LAMB1: variants seen among roughly 807,000 people sequenced by gnomAD.
The protein encoded by LAMB1 is laminin subunit beta-1.
In LAMB1, 121 loss-of-function variants were observed where a neutral mutation model predicts 222.3. That is an observed-to-expected ratio of 0.54 (90% CI 0.47 to 0.63). LAMB1 has a LOEUF of 0.63. LAMB1 is among the 30% of genes least tolerant of loss of function. The pLI, the probability that LAMB1 is intolerant of heterozygous loss-of-function variation, is 0.00. For synonymous variants in LAMB1, 794 were observed against 807.2 expected (o/e 0.98, Z 0.28); for missense variants, 2,172 against 2,240.8 (o/e 0.97, Z 0.62).
intron 8 of LAMB1, among the ~76,000 whole-genome samples, chr7:107,979,979 G>A (rs1188592919): frequency 6.6e-6 from 1 of 152,152 alleles, no homozygotes; most frequent in Non-Finnish European, 1.5e-5. Context: ...AGGCTGAGGT[G>A]TGTGGATCAC....
intron 21 of LAMB1, among the ~76,000 whole-genome samples, chr7:107,954,409 A>G (rs998788491): frequency 2.0e-5 from 3 of 150,958 alleles, no homozygotes; most frequent in Non-Finnish European, 2.9e-5. Context: ...GGCTCAAGCA[A>G]TCCTCCTGCC....
At chr7:107,941,201 C>T (rs562446270) in intron 24 of LAMB1, among the ~76,000 whole-genome samples, 1 of 152,236 alleles carries the variant, frequency 6.6e-6, no homozygotes, top group Non-Finnish European at 1.5e-5. Context: ...TGGCCAGTAG[C>T]TGTGGCTGAG....
At chr7:107,990,565 G>C (rs1021985699) in intron 5 of LAMB1, among the ~76,000 whole-genome samples, 4 of 152,056 alleles carry the variant, frequency 2.6e-5, no homozygotes, top group Non-Finnish European at 4.4e-5. Context: ...TTAAGTGAAA[G>C]CAAGTTTATT....
Position 107,952,063 on chromosome 7 carries a change from G to C in LAMB1, c.3240C>G (p.Gly1080=). The change falls in exon 23 of 34, where the codon GGC becomes GGG. Residue 1080 remains glycine, a synonymous_variant. Coordinates refer to ENST00000222399, the MANE Select transcript of LAMB1 (RefSeq NM_002291.3). ...CAGCATTGCAGTTGCATGGGTCACAGCCAGTGCCACTGGCCAGCTGCCAGG... is the reference window on the plus strand; with the variant it reads ...CAGCATTGCAGTTGCATGGGTCACACCCAGTGCCACTGGCCAGCTGCCAGG... ...PNTWQLASGT[G]CDPCNCNAAH... The C allele has an allele frequency of 6.2e-7, 1 of 1,614,082 alleles. No individual in the cohort carries two copies. The highest frequency in any genetic ancestry group is 8.5e-7 in the Non-Finnish European group (1 of 1,179,988).
At chr7:107,966,092 C>T (rs1215148926) in intron 13 of LAMB1, among the ~76,000 whole-genome samples, 1 of 149,578 alleles carries the variant, frequency 6.7e-6, no homozygotes, top group Non-Finnish European at 1.5e-5. Flanking sequence ...AGTGAGACTT[C>T]ATCTCAAAAT....
intron 7 of LAMB1, among the ~76,000 whole-genome samples, chr7:107,981,338 C>G (rs1270371303): frequency 6.6e-6 from 1 of 151,860 alleles, no homozygotes. Flanking sequence ...ATCCCAGCTA[C>G]TAGGGAGACT....
intron 4 of LAMB1, among the ~76,000 whole-genome samples, chr7:107,997,744 G>A (rs1285512903): frequency 1.3e-5 from 2 of 152,174 alleles, no homozygotes; most frequent in African/African-American, 4.8e-5. Context: ...TCATGTCACA[G>A]CAATAGTAAA....
At chr7:107,998,992 T>G (rs1584545447) in intron 3 of LAMB1, among the ~76,000 whole-genome samples, 1 of 152,342 alleles carries the variant, frequency 6.6e-6, no homozygotes, top group East Asian at 1.9e-4. Context: ...AGAACAAGAT[T>G]TCTTCGTTTC....
chr7:108,001,226 A>G (rs1214070946), intron 3 of LAMB1, among the ~76,000 whole-genome samples: 2 of 152,272 alleles, frequency 1.3e-5, no homozygotes, highest in African/African-American at 4.8e-5. Context: ...TAAAAAGAGG[A>G]TAAATCACCT....
intron 9 of LAMB1, among the ~76,000 whole-genome samples, 167 bp downstream of exon 9, chr7:107,977,880 T>C (rs1342401195): frequency 6.6e-6 from 1 of 152,190 alleles, no homozygotes; most frequent in African/African-American, 2.4e-5. Flanking sequence ...GAATATTAAT[T>C]AACTGAATGC....
chr7:107,956,633 G>C (rs1241657002), intron 20 of LAMB1, among the ~76,000 whole-genome samples: 2 of 152,216 alleles, frequency 1.3e-5, no homozygotes, highest in Non-Finnish European at 2.9e-5. Context: ...GCTTATACCT[G>C]TCAGCCTCTG....
chr7:107,971,900 C>T (rs10487278), intron 13 of LAMB1, among the ~76,000 whole-genome samples: 2 of 152,206 alleles, frequency 1.3e-5, no homozygotes, highest in East Asian at 3.9e-4. Context: ...CCACTTTTAT[C>T]TCATCAAGAA....
intron 20 of LAMB1, among the ~76,000 whole-genome samples, chr7:107,956,463 G>A (rs769835828): frequency 6.6e-6 from 1 of 152,124 alleles, no homozygotes; most frequent in Non-Finnish European, 1.5e-5. Flanking sequence ...CACTGCGTTC[G>A]AGTGACACCC....
At chr7:107,979,720 T>C (rs1433142233) in intron 8 of LAMB1, among the ~76,000 whole-genome samples, 4 of 152,144 alleles carry the variant, frequency 2.6e-5, no homozygotes, top group East Asian at 3.8e-4. Context: ...GAGGAAAAGA[T>C]AGAAAGAAAC....
rs2033355253 is a variant in LAMB1 at position 107,955,504 on chromosome 7, A to G, written c.2817T>C (p.Thr939=). The G allele has an allele frequency of 6.2e-7, 1 of 1,614,136 alleles. No individual in the cohort carries two copies. Among genetic ancestry groups the G allele is most frequent in the Non-Finnish European group, 8.5e-7 (1 of 1,180,006 alleles). ...FARSCYQDPV[T]LQLACVCDPG... is the part of the protein sequence containing the mutation. ...GATCACAAACACAGGCAAGCTGTAA[A>G]GTAACAGGATCTTGGTAGCAGCTCC... The change falls in exon 21 of 34, where the codon ACT becomes ACC. Residue 939 remains threonine, a synonymous_variant. Transcript: ENST00000222399.
chr7:107,941,723 C>T (rs1301224256), intron 24 of LAMB1, among the ~76,000 whole-genome samples: 1 of 149,752 alleles, frequency 6.7e-6, no homozygotes, highest in Non-Finnish European at 1.5e-5. Flanking sequence ...GGCGCGATCT[C>T]GGCTCACTGC....
At position 107,952,025 on chromosome 7, in the gene LAMB1, C is replaced by T; in HGVS notation, c.3278G>A (p.Gly1093Glu). The T allele has an allele frequency of 3.1e-6, 5 of 1,611,708 alleles. No individual in the cohort carries two copies. Among genetic ancestry groups the T allele is most frequent in the Middle Eastern group, 1.8e-4 (1 of 5,638 alleles). ...GCCCCTCACCTCATTGCAAGATGGC[C>T]CGAAGGAATGAGCAGCATTGCAGTT... ...PCNCNAAHSF[G>E]PSCNEFTGQC... The change falls in exon 23 of 34, where the codon GGG (glycine) becomes GAG (glutamate). Residue 1093 changes from glycine to glutamate, a missense_variant. Coordinates refer to ENST00000222399, the MANE Select transcript of LAMB1 (RefSeq NM_002291.3).
At chr7:107,997,301 T>TA (rs1172624998) in intron 4 of LAMB1, among the ~76,000 whole-genome samples, 1 of 152,174 alleles carries the variant, frequency 6.6e-6, no homozygotes, top group Non-Finnish European at 1.5e-5. Context: ...CATGTGCCTG[T>TA]AATCCCAGCT....
Position 107,934,121 on chromosome 7 carries a change from T to C in LAMB1, c.4188+1294A>G, listed in dbSNP as rs558162481. Among the ~76,000 whole-genome samples, 20 of 152,370 alleles carry C rather than the reference T, an allele frequency of 1.3e-4. No individual in the cohort carries two copies. In the East Asian group the frequency reaches 1.5e-3, roughly 12 times the overall value. ...ACACATTGCTCTAAGCCTTCATTTT[T>C]CTTTTTTCTTCATCTTTTATTTTTC... On this transcript the variant is annotated intron_variant, in intron 27 of 33. Coordinates refer to ENST00000222399, the MANE Select transcript of LAMB1 (RefSeq NM_002291.3).
Sources: allele counts gnomAD v4.1 joint callset (sites outside exome capture counted in the v4.1 genomes callset), GRCh38; gene constraint gnomAD v4.1.1; transcripts MANE v1.5; gene names NCBI Gene and HGNC (gene_info 2026-07-23, HGNC 2026-07-21).